Variants in VIT observed in about 807,000 individuals in gnomAD.
The protein encoded by VIT is vitrin.
A neutral mutation model predicts 78.0 loss-of-function variants in VIT; 99 were observed. That is an observed-to-expected ratio of 1.27 (90% confidence interval 1.08 to 1.50). The LOEUF (loss-of-function observed/expected upper bound fraction) is 1.50, where lower values mean the gene tolerates loss of function less well. VIT is among the 40% of genes most tolerant of loss of function. The probability of loss-of-function intolerance (pLI) is 0.00; values close to 1 mark genes in which losing one functional copy is unlikely to be tolerated. For missense variants in VIT, 1,126 were observed against 875.3 expected, an observed-to-expected ratio of 1.29 and a Z score of -3.61; for synonymous variants, 374 against 334.3, an observed-to-expected ratio of 1.12 and a Z score of -1.29.
At chr2:36,777,428 T>A (rs1161873998) in intron 9 of VIT, among the ~76,000 whole-genome samples, 1 of 152,088 alleles carries the variant, frequency 6.6e-6, no homozygotes, top group Non-Finnish European at 1.5e-5. Context: ...GTACACCCTC[T>A]AACTATGCTG....
rs1271752384 is a variant in VIT, at chr2:36,814,378, G to A, written c.*17G>A. The A allele has an allele frequency of 6.2e-7, 1 of 1,613,104 alleles. No homozygotes were observed. Among genetic ancestry groups the A allele is most frequent in the South Asian group, 1.1e-5 (1 of 90,996 alleles). On this transcript the variant is annotated 3_prime_UTR_variant, in exon 16 of 16. Transcript: ENST00000379242. The stretch of plus-strand genomic sequence containing the variant: ...CGGAACTGAATTCAGAGCAGGCAGA[G>A]CACCAGCAAGTGCTGCTTTACTAAC...
At chr2:36,698,904 A>T (rs6727634) in intron 1 of VIT, among the ~76,000 whole-genome samples, 73,455 of 151,624 alleles carry the variant, frequency 0.48, 18,479 homozygotes, top group East Asian at 0.59. Flanking sequence ...AGATCACGCC[A>T]CTACACTCCA....
chr2:36,777,442 AC>A (rs1670142811), intron 9 of VIT, among the ~76,000 whole-genome samples: 1 of 152,016 alleles, frequency 6.6e-6, no homozygotes, highest in South Asian at 2.1e-4. Flanking sequence ...TATGCTGTAG[AC>A]TATTAATAAT....
Position 36,738,742 on chromosome 2 carries a change from C to A in VIT, c.119-4358C>A, listed in dbSNP as rs78783825. On this transcript the variant is annotated intron_variant, in intron 3 of 15. Coordinates refer to ENST00000379242, the MANE Select transcript of VIT (RefSeq NM_053276.4). The stretch of plus-strand genomic sequence containing the variant: ...TGAGAAATGATTCAAGCTAAGTGTG[C>A]GAGACAACATGCATTTAGAAAGTAA... 5.2e-3 allele frequency among the ~76,000 whole-genome samples: 798 copies of A among 152,140 alleles called. 28 individuals carry two copies. In the East Asian group the frequency reaches 0.079, roughly 15 times the overall value.
intron 1 of VIT, among the ~76,000 whole-genome samples, chr2:36,715,680 G>A (rs190572217): frequency 6.6e-6 from 1 of 152,260 alleles, no homozygotes; most frequent in African/African-American, 2.4e-5. Flanking sequence ...TATTCAATTG[G>A]TCTGGGGTAC....
intron 12 of VIT, among the ~76,000 whole-genome samples, chr2:36,796,874 C>G (rs951698408): frequency 6.6e-6 from 1 of 152,084 alleles, no homozygotes; most frequent in East Asian, 1.9e-4. Context: ...TCACCAGACA[C>G]CCTCAGGAAA....
At chr2:36,719,521 C>A (rs1297988089) in intron 2 of VIT, among the ~76,000 whole-genome samples, 1 of 152,092 alleles carries the variant, frequency 6.6e-6, no homozygotes, top group East Asian at 1.9e-4. Context: ...ATCTGTAGCA[C>A]CTCTATACAC....
Position 36,805,630 on chromosome 2 carries a change from A to C in VIT, c.1355A>C (p.Lys452Thr). 1.9e-6 allele frequency: 3 copies of C among 1,614,174 alleles called. No homozygotes were observed. Among genetic ancestry groups the C allele is most frequent in the Non-Finnish European group, 2.5e-6 (3 of 1,180,016 alleles). Residue 452 changes from lysine (K) to threonine (T), a missense_variant, in exon 14 of 16, where the codon AAG (lysine) becomes ACG (threonine). By Grantham distance (78) the Lys-to-Thr change is moderately conservative (BLOSUM62 -1). Coordinates refer to ENST00000379242, the MANE Select transcript of VIT (RefSeq NM_053276.4). ...ATTGAAGGTGCTGCTGAAAATGAGA[A>C]GCAGTATGTGGTGGAGCCCAACTTT... ...ITIEGAAENE[K>T]QYVVEPNFAN...
chr2:36,729,613 C>A, intron 3 of VIT, 122 bp downstream of exon 3: 1 of 943,412 alleles, frequency 1.1e-6, no homozygotes, highest in Non-Finnish European at 1.6e-6. Context: ...AATTAATTTC[C>A]ACTCAGATTA....
chr2:36,727,396 T>C (rs1666922015), intron 2 of VIT, among the ~76,000 whole-genome samples: 1 of 152,152 alleles, frequency 6.6e-6, no homozygotes, highest in Admixed American at 6.5e-5. Flanking sequence ...AGATTGGCCA[T>C]CTGGAAACCT....
At chr2:36,709,270 A>T (rs1665652841) in intron 1 of VIT, among the ~76,000 whole-genome samples, 1 of 152,224 alleles carries the variant, frequency 6.6e-6, no homozygotes, top group Non-Finnish European at 1.5e-5. Context: ...GAGCTTCTGG[A>T]CTCAGAATGT....
intron 4 of VIT, among the ~76,000 whole-genome samples, chr2:36,748,288 A>C (rs1668257831): frequency 6.6e-6 from 1 of 152,140 alleles, no homozygotes; most frequent in Admixed American, 6.5e-5. Context: ...AGACTGAGGG[A>C]ATTTTCATGA....
chr2:36,783,189 C>A, intron 10 of VIT, 151 bp from the exon 11 acceptor site: 1 of 579,918 alleles, frequency 1.7e-6, no homozygotes, highest in Non-Finnish European at 3.1e-6. Flanking sequence ...TATTATTTTT[C>A]TCAGGATGGG....
chr2:36,742,749 C>G (rs1572455974), intron 3 of VIT, among the ~76,000 whole-genome samples: 2 of 152,326 alleles, frequency 1.3e-5, no homozygotes, highest in South Asian at 4.1e-4. Context: ...TACAGAGCAT[C>G]TGAAAGACCA....
At chr2:36,789,926 C>A (rs868364852) in intron 12 of VIT, among the ~76,000 whole-genome samples, 65 of 152,316 alleles carry the variant, frequency 4.3e-4, no homozygotes, top group African/African-American at 1.4e-3. Context: ...AGAACTGCTC[C>A]TTCCCTCCCT....
At chr2:36,743,605 T>C (rs1349044884) in intron 4 of VIT, among the ~76,000 whole-genome samples, 1 of 152,194 alleles carries the variant, frequency 6.6e-6, no homozygotes, top group African/African-American at 2.4e-5. Flanking sequence ...AAAGATGTGG[T>C]TATAATGTGC....
chr2:36,785,961 A>C (rs1665065036), intron 11 of VIT, among the ~76,000 whole-genome samples: 1 of 152,222 alleles, frequency 6.6e-6, no homozygotes, highest in Non-Finnish European at 1.5e-5. Context: ...AAAACCAGCA[A>C]CAACCCTCTC....
chr2:36,717,627 C>G (rs769944717), intron 2 of VIT, among the ~76,000 whole-genome samples: 1 of 152,078 alleles, frequency 6.6e-6, no homozygotes, highest in African/African-American at 2.4e-5. Context: ...TAGAAGTGCT[C>G]AACTGAAGTG....
At chr2:36,771,517 C>T (rs1005607993) in intron 7 of VIT, among the ~76,000 whole-genome samples, 2 of 136,456 alleles carry the variant, frequency 1.5e-5, no homozygotes, top group African/African-American at 5.8e-5. Flanking sequence ...TAGAGTGAGA[C>T]TTCATCTCAA....
Sources: gnomAD v4.1 joint callset for allele counts (sites outside exome capture counted in the v4.1 genomes callset) on GRCh38, gnomAD v4.1.1 for gene constraint, MANE v1.5 for transcripts, NCBI Gene and HGNC (gene_info 2026-07-23, HGNC 2026-07-21) for gene names.